TYW1: variants seen among roughly 807,000 people sequenced by gnomAD.
TYW1 encodes the protein S-adenosyl-L-methionine-dependent tRNA 4-demethylwyosine synthase TYW1.
A neutral mutation model predicts 96.2 loss-of-function variants in TYW1; 46 were observed. The ratio of observed to expected loss-of-function variants is 0.48; its 90% confidence interval spans 0.38 to 0.61. TYW1 has a LOEUF of 0.61. Among genes scored for constraint, TYW1 ranks in the 20% least tolerant of loss-of-function variants. The pLI is 0.00. For synonymous variants in TYW1, 274 were observed against 323.0 expected (o/e 0.85, Z 1.63); for missense variants, 684 against 909.6 (o/e 0.75, Z 3.19).
At chr7:67,024,511 G>A (rs1286981849) in intron 6 of TYW1, among the ~76,000 whole-genome samples, 2 of 152,030 alleles carry the variant, frequency 1.3e-5, no homozygotes, top group East Asian at 3.9e-4. Context: ...GCCGAGCACT[G>A]TCGTCACGCC....
At position 67,162,927 on chromosome 7, in the gene TYW1, G is replaced by A. The variant is rs188922913; in HGVS notation, c.1699-20199G>A. On this transcript the variant is annotated intron_variant, in intron 13 of 15. Coordinates refer to ENST00000359626, the MANE Select transcript of TYW1 (RefSeq NM_018264.4). ...TTCTCCCAGATGGAAAGTATATAGA[G>A]TAGCCCTTAGGATTTTATAGTTGCA... Among the ~76,000 whole-genome samples, 5 of 152,300 alleles carry A rather than the reference G, an allele frequency of 3.3e-5. No individual in the cohort carries two copies. The East Asian group carries it at 7.7e-4, about 23-fold the overall frequency.
intron 15 of TYW1, among the ~76,000 whole-genome samples, chr7:67,210,772 A>ATCCATCCATCCATCCATCCATCCATCCG: frequency 6.6e-6 from 1 of 150,710 alleles, no homozygotes; most frequent in African/African-American, 2.5e-5. Context: ...CCGTCCATCC[A>ATCCATCCATCCATCCATCCATCCATCCG]TCCATCCATC....
In TYW1 at chr7:67,170,268, C is replaced by A. The variant is rs191177595; in HGVS notation, c.1699-12858C>A. Among the ~76,000 whole-genome samples, 431 of 152,276 alleles carry A rather than the reference C, an allele frequency of 2.8e-3. 4 individuals carry two copies. Among genetic ancestry groups the A allele is most frequent in the Non-Finnish European group, 4.3e-3 (295 of 68,028 alleles). ...TGTATGGGTTTTATTTGTGGACTGTCCAGTTCTGTTCCATTGATCTTCAGT... is the reference window on the plus strand; with the variant it reads ...TGTATGGGTTTTATTTGTGGACTGTACAGTTCTGTTCCATTGATCTTCAGT... On this transcript the variant is annotated intron_variant, in intron 13 of 15. Transcript: ENST00000359626.
chr7:67,191,990 G>C (rs1431010354), intron 14 of TYW1, among the ~76,000 whole-genome samples: 1 of 151,608 alleles, frequency 6.6e-6, no homozygotes, highest in African/African-American at 2.4e-5. Context: ...CCGCCTGCCG[G>C]GTTCGAGCTA....
rs550131545 is a variant in TYW1, at chr7:67,032,272, G to C, written c.984+7250G>C. On this transcript the variant is annotated intron_variant, in intron 7 of 15. Transcript: ENST00000359626. ...TCACCCAGCCTATTTGTTAGCTGCT[G>C]TTTTGGATCTCCGTAGGGTTTGGGA... Among the ~76,000 whole-genome samples, 4 of 152,216 alleles carry C rather than the reference G, an allele frequency of 2.6e-5. No homozygotes were observed. In the East Asian group the frequency reaches 7.7e-4, roughly 29 times the overall value.
At chr7:67,155,097 C>G (rs1798925939) in intron 13 of TYW1, among the ~76,000 whole-genome samples, 2 of 152,114 alleles carry the variant, frequency 1.3e-5, no homozygotes. Flanking sequence ...TCCCCAAGAT[C>G]ATTATTTTGA....
intron 13 of TYW1, among the ~76,000 whole-genome samples, chr7:67,131,957 G>T (rs1264459576): frequency 6.6e-6 from 1 of 152,150 alleles, no homozygotes; most frequent in East Asian, 1.9e-4. Flanking sequence ...TTTTATTCCG[G>T]CTGCACTGGC....
At chr7:67,219,864 ATTCTC>A (rs1801327117) in intron 15 of TYW1, among the ~76,000 whole-genome samples, 1 of 88,606 alleles carries the variant, frequency 1.1e-5, no homozygotes, top group Non-Finnish European at 2.4e-5. Context: ...TTTTTTTTCT[ATTCTC>A]TATTTTGTTA....
intron 13 of TYW1, among the ~76,000 whole-genome samples, chr7:67,138,410 G>A (rs1798335828): frequency 6.6e-6 from 1 of 152,066 alleles, no homozygotes; most frequent in Non-Finnish European, 1.5e-5. Flanking sequence ...CATATAATAT[G>A]TAATCATTAT....
At chr7:67,111,631 G>A (rs1344956687) in intron 12 of TYW1, among the ~76,000 whole-genome samples, 1 of 152,202 alleles carries the variant, frequency 6.6e-6, no homozygotes. Flanking sequence ...ATTCCAGAAG[G>A]ACAGGAGAGA....
At chr7:67,223,852 C>A (rs1801473659) in intron 15 of TYW1, among the ~76,000 whole-genome samples, 1 of 150,874 alleles carries the variant, frequency 6.6e-6, no homozygotes, top group African/African-American at 2.4e-5. Context: ...GTCAAGCCTT[C>A]CCCTGAATGT....
At chr7:67,118,027 T>C (rs554838823) in intron 13 of TYW1, among the ~76,000 whole-genome samples, 19 of 152,218 alleles carry the variant, frequency 1.2e-4, no homozygotes, top group African/African-American at 4.6e-4. Context: ...CAAGTTTATA[T>C]AAAATCGCAT....
intron 10 of TYW1, among the ~76,000 whole-genome samples, chr7:67,069,975 C>T (rs1795983108): frequency 6.6e-6 from 1 of 152,188 alleles, no homozygotes; most frequent in African/African-American, 2.4e-5. Context: ...ATGTCTCCTT[C>T]AGTTTTGAAG....
chr7:67,086,423 G>A (rs1389846748), intron 11 of TYW1, among the ~76,000 whole-genome samples: 7 of 150,962 alleles, frequency 4.6e-5, no homozygotes, highest in Admixed American at 2.0e-4. Context: ...AGAACCAGTG[G>A]GTGTATGTGT....
intron 13 of TYW1, among the ~76,000 whole-genome samples, chr7:67,126,417 AGTCTGTAGCTT>A (rs1797915433): frequency 6.6e-6 from 1 of 152,066 alleles, no homozygotes; most frequent in Admixed American, 6.6e-5. Flanking sequence ...GTGTTCTCCC[AGTCTGTAGCTT>A]GTCTTTTCAT....
chr7:67,086,257 C>T (rs1460050622), intron 11 of TYW1, among the ~76,000 whole-genome samples: 1 of 152,054 alleles, frequency 6.6e-6, no homozygotes, highest in East Asian at 1.9e-4. Flanking sequence ...ACTAGTAAGC[C>T]CCACATCTGG....
chr7:67,117,058 C>T (rs1409960108), intron 12 of TYW1, among the ~76,000 whole-genome samples: 1 of 152,068 alleles, frequency 6.6e-6, no homozygotes, highest in Non-Finnish European at 1.5e-5. Flanking sequence ...AGACTTCCGT[C>T]AGTGATTGAT....
intron 13 of TYW1, among the ~76,000 whole-genome samples, chr7:67,168,607 G>A (rs2690163): frequency 3.9e-5 from 6 of 152,128 alleles, no homozygotes; most frequent in South Asian, 4.1e-4. Flanking sequence ...GTAACTGCCC[G>A]TAATATTCAA....
Position 67,006,948 on chromosome 7 carries a change from C to CTTTT in TYW1, c.274-2609_274-2606dup, listed in dbSNP as rs34475001. On this transcript the variant is annotated intron_variant, in intron 3 of 15. Coordinates refer to ENST00000359626, the MANE Select transcript of TYW1 (RefSeq NM_018264.4). ...CAAAACAGTAGGGAGAGATGTGAGG[C>CTTTT]TTTTTTTTTTTTTTTTTTTTTTTTT... Among the ~76,000 whole-genome samples the CTTTT allele has an allele frequency of 1.8e-4, 8 of 45,142 alleles. 1 individual carries two copies. Among genetic ancestry groups the CTTTT allele is most frequent in the Non-Finnish European group, 2.6e-4 (7 of 27,180 alleles). The allele number at this position is 45,142 out of a possible 152,430, so 29.6% of individuals were successfully genotyped here.
Sources: allele counts gnomAD v4.1 joint callset (sites outside exome capture counted in the v4.1 genomes callset), GRCh38; gene constraint gnomAD v4.1.1; transcripts MANE v1.5; gene names NCBI Gene and HGNC (gene_info 2026-07-23, HGNC 2026-07-21).